Variants in CCAR2 observed in about 807,000 individuals in gnomAD.
The protein encoded by CCAR2 is cell cycle and apoptosis regulator 2.
Under a neutral mutation model 108.1 loss-of-function variants are expected in CCAR2, and 21 were observed. The ratio of observed to expected loss-of-function variants is 0.19; its 90% CI spans 0.14 to 0.28. CCAR2 has a LOEUF of 0.28. Ranked by LOEUF, CCAR2 falls within the 10% of genes least tolerant of loss-of-function variation. The pLI, the probability that CCAR2 is intolerant of heterozygous loss-of-function variation, is 1.00. For missense variants in CCAR2, 1,126 were observed against 1,177.0 expected (o/e 0.96, Z 0.63); for synonymous variants, 577 against 472.8 (o/e 1.22, Z -2.86).
rs1801434727 is a variant in CCAR2, at chr8:22,614,853, AAAG to A, written c.1062_1064del (p.Glu356del). ...CTTCTTGCAGTTTTTGCTGGGCAGG[AAAG>A]AAGAGGAGGCAGTGCTGGTTGGGGG... is the stretch of plus-strand genomic sequence containing the variant. On this transcript the variant is annotated inframe_deletion, in exon 11 of 21. Transcript: ENST00000308511. The A allele has an allele frequency of 1.9e-6, 3 of 1,610,362 alleles. No homozygotes were observed. The highest frequency in any genetic ancestry group is 1.4e-5 in the African/African-American group (1 of 73,524).
rs941008544 is a variant in CCAR2 at position 22,615,435 on chromosome 8, G to A, written c.1216G>A (p.Ala406Thr). 1 of 1,613,484 alleles carries A rather than the reference G, an allele frequency of 6.2e-7. No homozygotes were observed. Among genetic ancestry groups the A allele is most frequent in the South Asian group, 1.1e-5 (1 of 91,082 alleles). ...LSGCTKWWRF[A>T]EFQYLQPGPP... ...TTTTGCCATGTGCAGGTGGCGCTTTGCCGAGTTTCAGTACCTGCAGCCGGG... is the reference window on the plus strand; with the variant it reads ...TTTTGCCATGTGCAGGTGGCGCTTTACCGAGTTTCAGTACCTGCAGCCGGG... The change falls in exon 12 of 21, where the codon GCC becomes ACC. Residue 406 changes from alanine to threonine, a missense_variant. Transcript: ENST00000308511.
Position 22,617,470 on chromosome 8 carries a change from A to G in CCAR2, c.1896A>G (p.Glu632=), listed in dbSNP as rs779192735. The change falls in exon 15 of 21, where the codon GAA becomes GAG. Residue 632 remains glutamate (E), a synonymous_variant. Coordinates refer to ENST00000308511, the MANE Select transcript of CCAR2 (RefSeq NM_001393997.1). ...PKPLSSGGEE[E]EKPRGEASED... ...CACTCTCTTCTGGGGGAGAGGAAGA[A>G]GAAAAACCCCGGGGCGAGGCTTCTG... 6.2e-7 allele frequency: 1 copy of G among 1,602,112 alleles called. No individual in the cohort carries two copies. Among genetic ancestry groups the G allele is most frequent in the Admixed American group, 1.7e-5 (1 of 57,654 alleles).
At position 22,616,347 on chromosome 8, in the gene CCAR2, C is replaced by A. The variant is rs986878016; in HGVS notation, c.1845+99C>A. 6.5e-6 allele frequency: 7 copies of A among 1,081,452 alleles called. No homozygotes were observed. The East Asian group carries it at 1.2e-4, about 18-fold the overall frequency. 67.0% of individuals were successfully genotyped at this position (1,081,452 alleles called of 1,614,324 possible). On this transcript the variant is annotated intron_variant, in intron 14 of 20. Transcript: ENST00000308511. ...AGCGCTTCCTGTGCCTTAGCTCATTCCCTGCACCCTTGCTCGGCATGGACT... is the reference window on the plus strand; with the variant it reads ...AGCGCTTCCTGTGCCTTAGCTCATTACCTGCACCCTTGCTCGGCATGGACT...
rs775597097 is a variant in CCAR2, at chr8:22,618,965, G to A, written c.2471G>A (p.Ser824Asn). ...CTGCAGCGCGCGGAGCAGCAGGACA[G>A]CGGCCGGCTCTACCTAGAGAACAAG... ...SLLQRAEQQD[S>N]GRLYLENKIH... Residue 824 changes from serine to asparagine, a missense_variant, in exon 19 of 21, where the codon AGC (serine) becomes AAC (asparagine). Physicochemically the swap from Ser to Asn is conservative, Grantham distance 46. This residue lies in a region of CCAR2 where 1,013 missense variants were observed against 993.9 expected (regional missense o/e 1.02). Coordinates refer to ENST00000308511, the MANE Select transcript of CCAR2 (RefSeq NM_001393997.1). 6.8e-6 allele frequency: 11 copies of A among 1,613,494 alleles called. No homozygotes were observed. Among genetic ancestry groups the A allele is most frequent in the Middle Eastern group, 3.3e-4 (2 of 6,062 alleles).
chr8:22,607,184 C>G lies in CCAR2; in HGVS notation c.358-12C>G. Reference sequence around the variant, plus strand: ...ATGGGGTCCCCTGAATTTCCTGGCTCCTGTTCTGCAGCCCCTACTGAAGTC... The same window carrying G: ...ATGGGGTCCCCTGAATTTCCTGGCTGCTGTTCTGCAGCCCCTACTGAAGTC... On this transcript the variant is annotated splice_polypyrimidine_tract_variant and intron_variant, in intron 5 of 20. Coordinates refer to ENST00000308511, the MANE Select transcript of CCAR2 (RefSeq NM_001393997.1). 6.2e-7 allele frequency: 1 copy of G among 1,613,776 alleles called. No individual in the cohort carries two copies. The highest frequency in any genetic ancestry group is 8.5e-7 in the Non-Finnish European group (1 of 1,179,784).
chr8:22,615,161 A>G (rs1801450384), intron 11 of CCAR2, 160 bp downstream of exon 11: 12 of 1,068,528 alleles, frequency 1.1e-5, no homozygotes, highest in Non-Finnish European at 1.6e-5. Flanking sequence ...GTGTATGCCA[A>G]AATCTGGCTG....
chr8:22,618,129 G>A (rs1242358927), intron 16 of CCAR2: 1 of 619,876 alleles, frequency 1.6e-6, no homozygotes, highest in Non-Finnish European at 2.8e-6. Context: ...GCCCAGGCTG[G>A]AGCACAGTGG....
intron 20 of CCAR2, 68 bp from the exon 21 acceptor site, chr8:22,619,570 T>G (rs1801674728): frequency 7.3e-7 from 1 of 1,368,228 alleles, no homozygotes; most frequent in Non-Finnish European, 9.6e-7. Context: ...CAGGAGGCAG[T>G]CCGCAGTCCG....
intron 10 of CCAR2, 71 bp downstream of exon 10, chr8:22,614,574 G>T: frequency 7.1e-7 from 1 of 1,399,982 alleles, no homozygotes; most frequent in Non-Finnish European, 1.0e-6. Flanking sequence ...TTGAGTGTTC[G>T]GCTCCTGTTC....
chr8:22,612,695 A>T (rs541875951), intron 7 of CCAR2: 2 of 195,526 alleles, frequency 1.0e-5, no homozygotes, highest in Non-Finnish European at 2.0e-5. Flanking sequence ...AAAATAGAAA[A>T]TTATTCGTAA....
At position 22,619,731 on chromosome 8, in the gene CCAR2, C is replaced by G; in HGVS notation, c.*49C>G. 1 of 1,543,834 alleles carries G rather than the reference C, an allele frequency of 6.5e-7. No individual in the cohort carries two copies. The highest frequency in any genetic ancestry group is 8.8e-7 in the Non-Finnish European group (1 of 1,142,206). ...CTGTGAGGGCAGCGGTGGCGCCCGG[C>G]AAAGTTGGAGCCCTTGCGGTACCAG... On this transcript the variant is annotated 3_prime_UTR_variant, in exon 21 of 21. Transcript: ENST00000308511.
intron 7 of CCAR2, 69 bp from the exon 8 acceptor site, chr8:22,612,948 T>G: frequency 6.7e-7 from 1 of 1,483,116 alleles, no homozygotes; most frequent in Non-Finnish European, 9.1e-7. Context: ...TCCAGTTCTT[T>G]TAGTTCAGTT....
At chr8:22,613,986 T>G in intron 8 of CCAR2, 106 bp from the exon 9 acceptor site, 1 of 983,276 alleles carries the variant, frequency 1.0e-6, no homozygotes, top group South Asian at 1.6e-5. Context: ...ACTTCAAAAG[T>G]TCTCAGACTG....
rs200053550 is a variant in CCAR2, at chr8:22,607,299, G to A, written c.461G>A (p.Arg154Gln). Reference protein sequence around the residue: ...AQPQLIFQPHRIPPLFPQKPL... With the variant: ...AQPQLIFQPHQIPPLFPQKPL... ...CCTCAGTTGATCTTCCAGCCTCACCGGATTCCCCCACTCTTTCCTCAGAAG... is the reference window on the plus strand; with the variant it reads ...CCTCAGTTGATCTTCCAGCCTCACCAGATTCCCCCACTCTTTCCTCAGAAG... The change falls in exon 6 of 21, where the codon CGG (arginine) becomes CAG (glutamine). Residue 154 changes from arginine (R) to glutamine (Q), a missense_variant. Arg to Gln is a conservative substitution (Grantham distance 43, BLOSUM62 1). This residue lies in a region of CCAR2 where 1,013 missense variants were observed against 993.9 expected (regional missense o/e 1.02). Coordinates refer to ENST00000308511, the MANE Select transcript of CCAR2 (RefSeq NM_001393997.1). The A allele has an allele frequency of 7.4e-6, 12 of 1,612,980 alleles. No individual in the cohort carries two copies. The highest frequency in any genetic ancestry group is 8.5e-6 in the Non-Finnish European group (10 of 1,179,992).
intron 10 of CCAR2, 150 bp from the exon 11 acceptor site, chr8:22,614,688 G>A: frequency 9.1e-7 from 1 of 1,098,058 alleles, no homozygotes; most frequent in Non-Finnish European, 1.3e-6. Flanking sequence ...GAGCGAGGTG[G>A]CTGGTTCATG....
chr8:22,606,817 G>C, intron 4 of CCAR2, 93 bp from the exon 5 acceptor site: 1 of 1,499,540 alleles, frequency 6.7e-7, no homozygotes, highest in Non-Finnish European at 9.3e-7. Flanking sequence ...CAAGGTGTGG[G>C]AAATCTTGAT....
At position 22,612,955 on chromosome 8, in the gene CCAR2, A is replaced by T. The variant is rs577296847; in HGVS notation, c.585-62A>T. On this transcript the variant is annotated intron_variant, in intron 7 of 20. Coordinates refer to ENST00000308511, the MANE Select transcript of CCAR2 (RefSeq NM_001393997.1). ...CGATTGTTTCCAGTTCTTTTAGTTC[A>T]GTTTGTATTGAATACATATAACAAT... 2.0e-6 allele frequency: 3 copies of T among 1,509,104 alleles called. No homozygotes were observed. In the South Asian group the frequency reaches 3.8e-5, roughly 19 times the overall value. 93.5% of individuals were successfully genotyped at this position (1,509,104 alleles called of 1,614,324 possible).
At chr8:22,617,813 GGT>G in intron 16 of CCAR2, 35 bp downstream of exon 16, 1 of 1,607,732 alleles carries the variant, frequency 6.2e-7, no homozygotes, top group South Asian at 1.1e-5. Flanking sequence ...GGGTCTCAGT[GGT>G]GGTGAGGCTT....
Position 22,619,669 on chromosome 8 carries a change from C to T in CCAR2, c.2759C>T (p.Ala920Val), listed in dbSNP as rs945430148. Residue 920 changes from alanine to valine, a missense_variant, in exon 21 of 21, where the codon GCA becomes GTA. Physicochemically the swap from Ala to Val is moderately conservative, Grantham distance 64. This residue lies in a region of CCAR2 where 1,013 missense variants were observed against 993.9 expected (regional missense o/e 1.02). Transcript: ENST00000308511. ...ADSWVEKEEP[A>V]PSN ...AGCTGGGTGGAGAAGGAGGAGCCGG[C>T]ACCTAGCAACTGACGGCCTCGCACG... The T allele has an allele frequency of 1.3e-6, 2 of 1,574,626 alleles. No homozygotes were observed. The highest frequency in any genetic ancestry group is 2.7e-5 in the African/African-American group (2 of 74,116).
Sources: gnomAD v4.1 joint callset for allele counts on GRCh38, gnomAD v4.1.1 for gene constraint, gnomAD v4.1.1 regional missense constraint, MANE v1.5 for transcripts, NCBI Gene and HGNC (gene_info 2026-07-23, HGNC 2026-07-21) for gene names.